The following UGT2B11 variants were observed in gnomAD, a reference collection of about 807,000 sequenced individuals.
UGT2B11 encodes UDP-glucuronosyltransferase 2B11.
A neutral mutation model predicts 51.7 loss-of-function variants in UGT2B11; 49 were observed. That is an observed-to-expected ratio of 0.95 (90% confidence interval 0.75 to 1.20). The LOEUF is 1.20. Ranked by LOEUF, UGT2B11 falls within the 50% of genes most tolerant of loss-of-function variation. The pLI is 0.00. For synonymous variants in UGT2B11, 273 were observed against 209.0 expected (o/e 1.31, Z -2.64); for missense variants, 810 against 622.1 (o/e 1.30, Z -3.21).
intron 3 of UGT2B11, among the ~76,000 whole-genome samples, chr4:69,205,986 C>G (rs1222949253): frequency 6.6e-6 from 1 of 151,358 alleles, no homozygotes; most frequent in Non-Finnish European, 1.5e-5. Context: ...ATGATGTTGG[C>G]GAGGTTGTAT....
At chr4:69,201,153 A>T (rs111989083) in intron 5 of UGT2B11, 106 of 155,148 alleles carry the variant, frequency 6.8e-4, no homozygotes, top group Middle Eastern at 6.6e-3. Context: ...ATCCAATTAC[A>T]TTCTTAGTTC....
the UGT2B11 span, among the ~76,000 whole-genome samples, chr4:69,220,368 T>C: frequency 2.0e-5 from 3 of 152,230 alleles, no homozygotes; most frequent in Non-Finnish European, 2.9e-5. Context: ...TTTGTGGATG[T>C]ATCATACTGT....
At chr4:69,222,893 T>C in the UGT2B11 span, among the ~76,000 whole-genome samples, 1 of 152,142 alleles carries the variant, frequency 6.6e-6, no homozygotes, top group Non-Finnish European at 1.5e-5. Flanking sequence ...CGATGCACCT[T>C]TAACACTTCA....
At chr4:69,220,400 C>G in the UGT2B11 span, among the ~76,000 whole-genome samples, 1 of 152,014 alleles carries the variant, frequency 6.6e-6, no homozygotes, top group Non-Finnish European at 1.5e-5. Flanking sequence ...CGGTGGCCCA[C>G]TTCTCACGGC....
intron 2 of UGT2B11, chr4:69,211,279 G>C (rs1722052527): frequency 1.3e-5 from 2 of 151,556 alleles, no homozygotes; most frequent in African/African-American, 4.8e-5. Flanking sequence ...TGTTGAGGAA[G>C]AGTTTTAAGC....
At chr4:69,218,143 C>T (rs1449941017), upstream of UGT2B11, among the ~76,000 whole-genome samples, 1 of 152,118 alleles carries the variant, frequency 6.6e-6, no homozygotes, top group Non-Finnish European at 1.5e-5. Flanking sequence ...TACTTTTTCA[C>T]AGGTGTTATT....
Position 69,200,333 on chromosome 4 carries a change from T to TTTTCACAGGAAGAAAGAAA in UGT2B11, c.*106_*107insTTTCTTTCTTCCTGTGAAA. 8.5e-7 allele frequency: 1 copy of TTTTCACAGGAAGAAAGAAA among 1,173,036 alleles called. No homozygotes were observed. The highest frequency in any genetic ancestry group is 1.1e-6 in the Non-Finnish European group (1 of 919,390). The allele number at this position is 1,173,036 out of a possible 1,614,324, so 72.7% of individuals were successfully genotyped here. A position where few individuals can be genotyped will look rare whatever the true frequency, so the allele number is the denominator to read the frequency against. ...GAAAATTTTTTTTTTTTTTTTTTTT[T>TTTTCACAGGAAGAAAGAAA]TGTCACAGGAAGAAAGAAATCTTGC... On this transcript the variant is annotated 3_prime_UTR_variant, in exon 6 of 6. Transcript: ENST00000446444.
the UGT2B11 span, among the ~76,000 whole-genome samples, chr4:69,224,073 G>T: frequency 6.6e-6 from 1 of 152,152 alleles, no homozygotes; most frequent in Non-Finnish European, 1.5e-5. Flanking sequence ...GCCATGGAAC[G>T]GAAACACATG....
At chr4:69,216,717 A>G (rs1722284254), upstream of UGT2B11, 1 of 151,928 alleles carries the variant, frequency 6.6e-6, no homozygotes, top group South Asian at 2.1e-4. Flanking sequence ...TGATTTAAGT[A>G]TTGACAATAG....
intron 5 of UGT2B11, among the ~76,000 whole-genome samples, chr4:69,203,396 A>G (rs1448127001): frequency 1.3e-5 from 2 of 151,770 alleles, no homozygotes; most frequent in Non-Finnish European, 2.9e-5. Context: ...ACCATGTTGT[A>G]CTGCTGATGG....
chr4:69,212,291 G>A (rs924103899), intron 2 of UGT2B11, among the ~76,000 whole-genome samples: 1 of 151,476 alleles, frequency 6.6e-6, no homozygotes, highest in African/African-American at 2.4e-5. Context: ...TTATTTGAAT[G>A]AATGACCAAT....
At chr4:69,209,712 G>C (rs1001981997) in intron 2 of UGT2B11, among the ~76,000 whole-genome samples, 1 of 151,464 alleles carries the variant, frequency 6.6e-6, no homozygotes. Flanking sequence ...TAGGTGTTGC[G>C]TGTGATTGCA....
Position 69,205,561 on chromosome 4 carries a change from A to C in UGT2B11, c.1009T>G (p.Trp337Gly), listed in dbSNP as rs768888113. 1 of 1,609,866 alleles carries C rather than the reference A, an allele frequency of 6.2e-7. No individual in the cohort carries two copies. Among genetic ancestry groups the C allele is most frequent in the Non-Finnish European group, 8.5e-7 (1 of 1,177,636 alleles). ...TCTGGTTTATTCCCGTCAAATCTCC[A>C]CAGAACCTGTTACAGTAAAGAGAAT... ...ALAKIPQKVL[W>G]RFDGNKPDAL... Residue 337 changes from tryptophan (W) to glycine (G), a missense_variant, in exon 4 of 6, where the codon TGG (tryptophan) becomes GGG (glycine). Coordinates refer to ENST00000446444, the MANE Select transcript of UGT2B11 (RefSeq NM_001073.3).
intron 5 of UGT2B11, among the ~76,000 whole-genome samples, chr4:69,202,408 A>C (rs1721693471): frequency 6.6e-6 from 1 of 151,724 alleles, no homozygotes; most frequent in African/African-American, 2.4e-5. Context: ...TTTTAGTAAT[A>C]GTATTTTTAA....
In UGT2B11 at chr4:69,208,406, A is replaced by C; in HGVS notation, c.947T>G (p.Met316Arg). Residue 316 changes from methionine (M) to arginine (R), a missense_variant, in exon 3 of 6, where the codon ATG becomes AGG. Transcript: ENST00000446444. ...VFSLGSVISN[M>R]TAERANVIAT... is the part of the protein sequence containing the mutation. Reference sequence around the variant, plus strand: ...AATTACATTGGCCCTTTCTGCTGTCATGTTACTTATCACTGACCCCAGAGA... The same window carrying C: ...AATTACATTGGCCCTTTCTGCTGTCCTGTTACTTATCACTGACCCCAGAGA... 1 of 1,610,820 alleles carries C rather than the reference A, an allele frequency of 6.2e-7. No individual in the cohort carries two copies. Among genetic ancestry groups the C allele is most frequent in the Non-Finnish European group, 8.5e-7 (1 of 1,178,210 alleles).
intron 2 of UGT2B11, among the ~76,000 whole-genome samples, chr4:69,211,663 G>A (rs1163590937): frequency 1.3e-5 from 2 of 151,286 alleles, no homozygotes; most frequent in South Asian, 2.1e-4. Context: ...TGTAAATGTG[G>A]GCCTAATGAT....
chr4:69,205,336 C>A, intron 4 of UGT2B11, 144 bp downstream of exon 4: 1 of 1,082,272 alleles, frequency 9.2e-7, no homozygotes, highest in African/African-American at 1.6e-5. Context: ...ACAATTCTAC[C>A]ATATTCTTTT....
chr4:69,209,851 T>G (rs893564302), intron 2 of UGT2B11, among the ~76,000 whole-genome samples: 3 of 151,642 alleles, frequency 2.0e-5, no homozygotes, highest in African/African-American at 7.3e-5. Context: ...TCACTGATAT[T>G]GACTGGTTGT....
the UGT2B11 span, among the ~76,000 whole-genome samples, chr4:69,220,505 A>T: frequency 4.7e-4 from 1 of 2,128 alleles, no homozygotes; most frequent in Non-Finnish European, 5.0e-3. Context: ...CTGTGCTAAC[A>T]GAGTTTCTTC....
Sources: gnomAD v4.1 joint callset for allele counts (sites outside exome capture counted in the v4.1 genomes callset) on GRCh38, gnomAD v4.1.1 for gene constraint, MANE v1.5 for transcripts, NCBI Gene and HGNC (gene_info 2026-07-23, HGNC 2026-07-21) for gene names.